SYT16: variants seen among roughly 807,000 people sequenced by gnomAD.
SYT16 encodes synaptotagmin-16.
A neutral mutation model predicts 61.4 loss-of-function variants in SYT16; 42 were observed. The ratio of observed to expected loss-of-function variants is 0.68; its 90% CI spans 0.53 to 0.89. The LOEUF (loss-of-function observed/expected upper bound fraction) is 0.89, where lower values mean the gene tolerates loss of function less well. Ranked by LOEUF, SYT16 falls within the 40% of genes least tolerant of loss-of-function variation. The probability of loss-of-function intolerance (pLI) is 0.00; values close to 1 mark genes in which losing one functional copy is unlikely to be tolerated. For missense variants in SYT16, 804 were observed against 807.3 expected (o/e 1.00, Z 0.05); for synonymous variants, 314 against 302.3 (o/e 1.04, Z -0.40).
intron 2 of SYT16, among the ~76,000 whole-genome samples, chr14:61,993,118 A>G (rs1475519865): frequency 1.3e-5 from 2 of 152,170 alleles, no homozygotes; most frequent in Admixed American, 1.3e-4. Context: ...GGACAAGAAG[A>G]TGCTGGCTCA....
chr14:62,043,990 T>C (rs1595245048), intron 3 of SYT16, among the ~76,000 whole-genome samples: 2 of 152,120 alleles, frequency 1.3e-5, no homozygotes, highest in African/African-American at 4.8e-5. Flanking sequence ...TAGGCTCTTA[T>C]TCTTAATGTA....
At chr14:61,831,339 A>G (rs560156106) in intron 1 of SYT16, among the ~76,000 whole-genome samples, 1 of 151,920 alleles carries the variant, frequency 6.6e-6, no homozygotes, top group East Asian at 1.9e-4. Context: ...ATTACTTTTT[A>G]GTCCTTTATC....
At chr14:62,016,792 A>G (rs1046782565) in intron 3 of SYT16, among the ~76,000 whole-genome samples, 12 of 152,164 alleles carry the variant, frequency 7.9e-5, no homozygotes, top group Admixed American at 3.3e-4. Context: ...GTATGTTTTT[A>G]TAACTGCTAT....
At chr14:61,897,701 C>T (rs1439557269) in intron 1 of SYT16, among the ~76,000 whole-genome samples, 1 of 151,948 alleles carries the variant, frequency 6.6e-6, no homozygotes, top group Non-Finnish European at 1.5e-5. Context: ...AAGAAGATAC[C>T]AAAGAAATTT....
chr14:61,843,283 G>A (rs1408569629), intron 1 of SYT16, among the ~76,000 whole-genome samples: 1 of 152,164 alleles, frequency 6.6e-6, no homozygotes, highest in Admixed American at 6.5e-5. Flanking sequence ...CTGGAATGAG[G>A]TGATATCTCA....
At chr14:61,940,067 A>C (rs566387779) in intron 1 of SYT16, among the ~76,000 whole-genome samples, 2 of 152,252 alleles carry the variant, frequency 1.3e-5, no homozygotes, top group South Asian at 4.1e-4. Context: ...GTTTATGTGC[A>C]TGATAATTTT....
intron 3 of SYT16, among the ~76,000 whole-genome samples, chr14:62,060,037 TAAAATC>T (rs938376722): frequency 3.3e-5 from 5 of 152,228 alleles, no homozygotes; most frequent in African/African-American, 1.2e-4. Flanking sequence ...TAATAAGTCT[TAAAATC>T]AGATAGGTGG....
chr14:62,054,053 T>G (rs2055429627), intron 3 of SYT16, among the ~76,000 whole-genome samples: 1 of 152,244 alleles, frequency 6.6e-6, no homozygotes, highest in Non-Finnish European at 1.5e-5. Context: ...GAAACATGAT[T>G]AGCTATTTCC....
intron 1 of SYT16, among the ~76,000 whole-genome samples, chr14:61,859,567 A>G (rs768834988): frequency 2.0e-5 from 3 of 151,834 alleles, no homozygotes; most frequent in Non-Finnish European, 4.4e-5. Flanking sequence ...TCTTCTGCCT[A>G]TTAAACCTTT....
intron 1 of SYT16, among the ~76,000 whole-genome samples, chr14:61,890,090 C>T (rs1415732919): frequency 6.6e-6 from 1 of 152,100 alleles, no homozygotes; most frequent in East Asian, 1.9e-4. Context: ...ATTGCTCTAC[C>T]CTGGGTTAGG....
chr14:62,021,236 A>G (rs1401475650), intron 3 of SYT16, among the ~76,000 whole-genome samples: 2 of 152,194 alleles, frequency 1.3e-5, no homozygotes, highest in East Asian at 3.9e-4. Flanking sequence ...GTTTTATTGC[A>G]TTTTCTAAGG....
intron 1 of SYT16, among the ~76,000 whole-genome samples, chr14:61,878,899 C>T (rs188255070): frequency 8.0e-4 from 122 of 152,050 alleles, no homozygotes; most frequent in Non-Finnish European, 1.2e-3. Context: ...GCATTCTAGG[C>T]GCTATTAGGG....
intron 1 of SYT16, among the ~76,000 whole-genome samples, chr14:61,833,706 C>CTTTTTTT (rs11357318): frequency 2.6e-3 from 127 of 48,130 alleles, no homozygotes; most frequent in Non-Finnish European, 3.2e-3. Context: ...CCAGCAGTGG[C>CTTTTTTT]TTTTTTTTTT....
At chr14:61,919,192 A>C (rs1037524350) in intron 1 of SYT16, among the ~76,000 whole-genome samples, 1 of 152,206 alleles carries the variant, frequency 6.6e-6, no homozygotes, top group African/African-American at 2.4e-5. Flanking sequence ...AAGAGCAGGT[A>C]AACAGTAGCC....
At chr14:61,921,694 C>T (rs1046450556) in intron 1 of SYT16, among the ~76,000 whole-genome samples, 9 of 152,308 alleles carry the variant, frequency 5.9e-5, no homozygotes, top group African/African-American at 2.2e-4. Flanking sequence ...TTGGCCTCTT[C>T]TGTTTCAACA....
chr14:61,914,436 T>C (rs1375004998), intron 1 of SYT16, among the ~76,000 whole-genome samples: 1 of 152,210 alleles, frequency 6.6e-6, no homozygotes. Context: ...TCTCCAGTGT[T>C]GACCTGAAAT....
intron 1 of SYT16, among the ~76,000 whole-genome samples, chr14:61,916,161 A>G (rs1594906063): frequency 3.3e-5 from 5 of 152,184 alleles, no homozygotes; most frequent in Admixed American, 3.3e-4. Context: ...ATTCCAAATC[A>G]ATAACTTCAA....
chr14:62,050,194 C>G (rs185447763), intron 3 of SYT16, among the ~76,000 whole-genome samples: 1 of 152,156 alleles, frequency 6.6e-6, no homozygotes, highest in Non-Finnish European at 1.5e-5. Flanking sequence ...TTTCTCTAAA[C>G]TTCTCTTCTC....
At chr14:62,027,884 C>T (rs560276973) in intron 3 of SYT16, among the ~76,000 whole-genome samples, 14 of 152,210 alleles carry the variant, frequency 9.2e-5, no homozygotes, top group South Asian at 4.1e-4. Context: ...TTTGTGCAGG[C>T]GGTGTATTTC....
Sources: gnomAD v4.1 joint callset for allele counts (sites outside exome capture counted in the v4.1 genomes callset) on GRCh38, gnomAD v4.1.1 for gene constraint, MANE v1.5 for transcripts, NCBI Gene and HGNC (gene_info 2026-07-23, HGNC 2026-07-21) for gene names.